Variants in YAP1 observed in about 807,000 individuals in gnomAD.
YAP1 encodes the protein transcriptional coactivator YAP1.
YAP1 carries 5 observed loss-of-function variants against 56.9 expected under a neutral mutation model. The observed-to-expected ratio is 0.09, with a 90% CI of 0.05 to 0.18. YAP1 has a LOEUF of 0.18. Among genes scored for constraint, YAP1 ranks in the 10% least tolerant of loss-of-function variants. The pLI is 1.00. For synonymous variants in YAP1, 265 were observed against 248.1 expected, an observed-to-expected ratio of 1.07 and a Z score of -0.64; for missense variants, 539 against 651.8, an observed-to-expected ratio of 0.83 and a Z score of 1.88.
chr11:102,220,814 G>A (rs2135686850), intron 6 of YAP1, among the ~76,000 whole-genome samples: 1 of 152,304 alleles, frequency 6.6e-6, no homozygotes, highest in Middle Eastern at 3.4e-3. Context: ...ATTAATGATT[G>A]AAATACAGTG....
intron 2 of YAP1, among the ~76,000 whole-genome samples, chr11:102,143,304 G>A (rs1170957881): frequency 6.6e-6 from 1 of 152,054 alleles, no homozygotes; most frequent in African/African-American, 2.4e-5. Context: ...TAAAAGAAGT[G>A]GCATCAATAA....
At position 102,134,503 on chromosome 11, in the gene YAP1, AAT is replaced by A. The variant is rs1418762210; in HGVS notation, c.572+20118_572+20119del. On this transcript the variant is annotated intron_variant, in intron 2 of 8. Transcript: ENST00000282441. ...TATATATATTTATTTATATATGTAT[AAT>A]ATATATATTAAATATATATATATTT... 2.7e-5 allele frequency among the ~76,000 whole-genome samples: 4 copies of A among 147,644 alleles called. No individual in the cohort carries two copies. In the Middle Eastern group the frequency reaches 0.011, roughly 401 times the overall value.
At chr11:102,121,459 A>G (rs1301920068) in intron 2 of YAP1, among the ~76,000 whole-genome samples, 2 of 152,038 alleles carry the variant, frequency 1.3e-5, no homozygotes, top group Non-Finnish European at 2.9e-5. Flanking sequence ...AAAACTAAAA[A>G]CAGAAAACCA....
Position 102,190,283 on chromosome 11 carries a change from G to T in YAP1, c.802+4152G>T, listed in dbSNP as rs568336695. Among the ~76,000 whole-genome samples, 24 of 152,236 alleles carry T rather than the reference G, an allele frequency of 1.6e-4. No individual in the cohort carries two copies. The South Asian group carries it at 4.4e-3, about 28-fold the overall frequency. The stretch of plus-strand genomic sequence containing the variant: ...TTATGGACTACATTAATTACTTAGC[G>T]TACAGAGGAAAAGATGTGTGTTTTA... On this transcript the variant is annotated intron_variant, in intron 4 of 8. Coordinates refer to ENST00000282441, the MANE Select transcript of YAP1 (RefSeq NM_001130145.3).
At chr11:102,137,191 C>G (rs1833355628) in intron 2 of YAP1, among the ~76,000 whole-genome samples, 1 of 152,196 alleles carries the variant, frequency 6.6e-6, no homozygotes, top group South Asian at 2.1e-4. Context: ...CTGCTTCTTA[C>G]TGCCTTAGGA....
rs148537129 is a variant in YAP1 at position 102,110,812 on chromosome 11, C to T, written c.-37C>T. ...GCGTCCGGGCGTAGCCCTCGCTCGCCTGGGTCAGGGGGTGCGCGTCGGGGG... is the reference window on the plus strand; with the variant it reads ...GCGTCCGGGCGTAGCCCTCGCTCGCTTGGGTCAGGGGGTGCGCGTCGGGGG... On this transcript the variant is annotated 5_prime_UTR_variant, in exon 1 of 9. Transcript: ENST00000282441. 2.3e-3 allele frequency: 3,055 copies of T among 1,326,242 alleles called. 68 individuals carry two copies. In the African/African-American group the frequency reaches 0.044, roughly 19 times the overall value. 82.2% of individuals were successfully genotyped at this position (1,326,242 alleles called of 1,614,324 possible).
rs1212089977 is a variant in YAP1 at position 102,229,956 on chromosome 11, T to C, written c.*16T>C. On this transcript the variant is annotated 3_prime_UTR_variant, in exon 9 of 9. Transcript: ENST00000282441. ...ATGGTTATAGAGCCCTCAGGCAGACTGAATTCTAAATCTGTGAAGGATCTA... is the reference window on the plus strand; with the variant it reads ...ATGGTTATAGAGCCCTCAGGCAGACCGAATTCTAAATCTGTGAAGGATCTA... 4 of 1,606,256 alleles carry C rather than the reference T, an allele frequency of 2.5e-6. No homozygotes were observed. The highest frequency in any genetic ancestry group is 3.4e-6 in the Non-Finnish European group (4 of 1,173,300).
chr11:102,124,933 C>T (rs983995752), intron 2 of YAP1, among the ~76,000 whole-genome samples: 1 of 152,076 alleles, frequency 6.6e-6, no homozygotes, highest in African/African-American at 2.4e-5. Context: ...AAATGGGTTT[C>T]ACCATGTTTC....
rs775271495 is a variant in YAP1, at chr11:102,114,354, G to C, written c.532G>C (p.Glu178Gln). The stretch of plus-strand genomic sequence containing the variant: ...TGATGTACCTCTGCCAGCAGGTTGG[G>C]AGATGGCAAAGACATCTTCTGGTCA... Reference protein sequence around the residue: ...PDDVPLPAGWEMAKTSSGQRY... With the variant: ...PDDVPLPAGWQMAKTSSGQRY... The change falls in exon 2 of 9, where the codon GAG becomes CAG. Residue 178 changes from glutamate to glutamine, a missense_variant. Glu to Gln is a conservative substitution (Grantham distance 29, BLOSUM62 2). Coordinates refer to ENST00000282441, the MANE Select transcript of YAP1 (RefSeq NM_001130145.3). 6.2e-7 allele frequency: 1 copy of C among 1,614,138 alleles called. No homozygotes were observed. The highest frequency in any genetic ancestry group is 8.5e-7 in the Non-Finnish European group (1 of 1,179,958).
chr11:102,185,598 A>G (rs1020830260), intron 3 of YAP1, among the ~76,000 whole-genome samples: 1 of 152,220 alleles, frequency 6.6e-6, no homozygotes, highest in Non-Finnish European at 1.5e-5. Context: ...GATATTTTCA[A>G]CGTTCTAAAA....
chr11:102,186,345 G>C (rs1947943383), intron 4 of YAP1: 1 of 472,522 alleles, frequency 2.1e-6, no homozygotes, highest in Admixed American at 4.0e-5. Flanking sequence ...TCCTCAGGTT[G>C]GGGTGGGGGA....
chr11:102,191,563 A>G (rs1284166296), intron 4 of YAP1, among the ~76,000 whole-genome samples: 2 of 152,250 alleles, frequency 1.3e-5, no homozygotes, highest in Non-Finnish European at 2.9e-5. Context: ...ATGCTGATAC[A>G]TGAAAATTTG....
At chr11:102,167,583 A>C (rs919046943) in intron 3 of YAP1, among the ~76,000 whole-genome samples, 3 of 152,224 alleles carry the variant, frequency 2.0e-5, no homozygotes, top group African/African-American at 7.2e-5. Flanking sequence ...AGATTTAAAA[A>C]TTAGCTGAGC....
chr11:102,117,574 C>T (rs567787928), intron 2 of YAP1, among the ~76,000 whole-genome samples: 3 of 152,154 alleles, frequency 2.0e-5, no homozygotes, highest in South Asian at 4.1e-4. Flanking sequence ...CATCTAGTTT[C>T]CAGGCAGCAT....
chr11:102,185,084 A>G (rs186865244), intron 3 of YAP1, among the ~76,000 whole-genome samples: 1 of 152,340 alleles, frequency 6.6e-6, no homozygotes, highest in African/African-American at 2.4e-5. Flanking sequence ...GATTTTAGCC[A>G]TGTACTGACC....
chr11:102,150,097 G>C (rs545677972), intron 2 of YAP1, among the ~76,000 whole-genome samples: 1 of 143,806 alleles, frequency 7.0e-6, no homozygotes, highest in African/African-American at 2.6e-5. Context: ...CGATTCTCCT[G>C]CCTCAGCCTC....
intron 2 of YAP1, among the ~76,000 whole-genome samples, chr11:102,119,116 G>C (rs1943492978): frequency 6.6e-6 from 1 of 151,712 alleles, no homozygotes. Context: ...GAGAGAAGAT[G>C]AAAGTACGCC....
chr11:102,187,354 G>T (rs1424449460), intron 4 of YAP1, among the ~76,000 whole-genome samples: 1 of 77,862 alleles, frequency 1.3e-5, no homozygotes, highest in Non-Finnish European at 2.9e-5. Flanking sequence ...TAAGCTTCAA[G>T]ACCTGTTTGG....
At chr11:102,112,757 T>C in intron 1 of YAP1, 1 of 985,386 alleles carries the variant, frequency 1.0e-6, no homozygotes, top group Non-Finnish European at 1.2e-6. Context: ...TATGCTTTTT[T>C]CTCTTACCCC....
Sources: gnomAD v4.1 joint callset for allele counts (sites outside exome capture counted in the v4.1 genomes callset) on GRCh38, gnomAD v4.1.1 for gene constraint, MANE v1.5 for transcripts, NCBI Gene and HGNC (gene_info 2026-07-23, HGNC 2026-07-21) for gene names.